Variants in XKR6 observed in about 807,000 individuals in gnomAD.
XKR6 encodes the protein XK-related protein 6.
A neutral mutation model predicts 56.7 loss-of-function variants in XKR6; 22 were observed. That is an observed-to-expected ratio of 0.39 (90% CI 0.28 to 0.55). The LOEUF (loss-of-function observed/expected upper bound fraction) is 0.55. Among genes scored for constraint, XKR6 ranks in the 20% least tolerant of loss-of-function variants. XKR6 has a pLI of 0.66. For synonymous variants in XKR6, 524 were observed against 387.8 expected (o/e 1.35, Z -4.13); for missense variants, 852 against 889.0 (o/e 0.96, Z 0.53).
chr8:11,071,481 C>CATGAGCCCCGAGTCT (rs1800114455), intron 1 of XKR6, among the ~76,000 whole-genome samples: 5 of 57,324 alleles, frequency 8.7e-5, no homozygotes, highest in Admixed American at 1.3e-4. Context: ...GCCCCGAGTC[C>CATGAGCCCCGAGTCT]ATGAGCCCCG....
chr8:10,934,771 C>G (rs1295177205), intron 1 of XKR6, among the ~76,000 whole-genome samples: 1 of 148,162 alleles, frequency 6.7e-6, no homozygotes, highest in Non-Finnish European at 1.5e-5. Flanking sequence ...GGTGGATAAG[C>G]TTTTTGATGT....
chr8:10,983,690 C>G (rs1041045440), intron 1 of XKR6, among the ~76,000 whole-genome samples: 1 of 151,364 alleles, frequency 6.6e-6, no homozygotes, highest in African/African-American at 2.4e-5. Flanking sequence ...GAGTCTCACT[C>G]TGTCACCCAG....
At chr8:11,091,410 C>A (rs1311860189) in intron 1 of XKR6, among the ~76,000 whole-genome samples, 2 of 147,884 alleles carry the variant, frequency 1.4e-5, no homozygotes, top group Admixed American at 6.7e-5. Flanking sequence ...GCACTCCAGT[C>A]TGGGCAACAG....
intron 1 of XKR6, among the ~76,000 whole-genome samples, chr8:11,154,321 A>C (rs1801403634): frequency 6.6e-6 from 1 of 152,236 alleles, no homozygotes; most frequent in Non-Finnish European, 1.5e-5. Flanking sequence ...ACCAAAAATC[A>C]GAAGAGATTC....
chr8:11,201,371 G>T lies in XKR6; in HGVS notation c.-32C>A, dbSNP rs774926907. 6 of 1,415,114 alleles carry T rather than the reference G, an allele frequency of 4.2e-6. No individual in the cohort carries two copies. Among genetic ancestry groups the T allele is most frequent in the Non-Finnish European group, 5.5e-6 (6 of 1,084,198 alleles). 87.7% of individuals were successfully genotyped at this position (1,415,114 alleles called of 1,614,324 possible). On this transcript the variant is annotated 5_prime_UTR_variant, in exon 1 of 3. Transcript: ENST00000416569. ...TCTCTTCCCAGCTCCGGAGGTTGGG[G>T]GGGAGGGACGGCGGGGGGGGGGGGA...
chr8:11,060,410 C>A (rs911018955), intron 1 of XKR6, among the ~76,000 whole-genome samples: 1 of 152,218 alleles, frequency 6.6e-6, no homozygotes, highest in Admixed American at 6.5e-5. Context: ...AGAGCCCCTG[C>A]CTCCTCCGCA....
intron 1 of XKR6, among the ~76,000 whole-genome samples, chr8:11,072,119 C>A (rs1315405208): frequency 6.6e-6 from 1 of 152,268 alleles, no homozygotes; most frequent in East Asian, 1.9e-4. Flanking sequence ...TGGCACCCAA[C>A]AGTCAACCCA....
chr8:10,979,864 C>T (rs2129136910), intron 1 of XKR6, among the ~76,000 whole-genome samples: 1 of 152,292 alleles, frequency 6.6e-6, no homozygotes, highest in East Asian at 1.9e-4. Flanking sequence ...TTTCCAAGGG[C>T]AGAGTGGTCT....
intron 2 of XKR6, among the ~76,000 whole-genome samples, chr8:10,906,481 A>C (rs1183226966): frequency 6.6e-6 from 1 of 152,268 alleles, no homozygotes; most frequent in East Asian, 1.9e-4. Context: ...AAGCAACAAA[A>C]AAAGCAATCT....
chr8:10,946,379 A>C (rs1801539045), intron 1 of XKR6, among the ~76,000 whole-genome samples: 1 of 152,056 alleles, frequency 6.6e-6, no homozygotes, highest in Non-Finnish European at 1.5e-5. Flanking sequence ...CGCAGAGCCC[A>C]CCCGGGGCAG....
intron 1 of XKR6, among the ~76,000 whole-genome samples, chr8:11,188,446 T>C (rs1242428623): frequency 6.6e-6 from 1 of 152,248 alleles, no homozygotes; most frequent in Admixed American, 6.5e-5. Flanking sequence ...TTGTTTCATC[T>C]GCAAACTGAG....
chr8:11,089,308 C>T (rs1346033617), intron 1 of XKR6, among the ~76,000 whole-genome samples: 2 of 152,168 alleles, frequency 1.3e-5, no homozygotes, highest in South Asian at 2.1e-4. Context: ...TTATCATACA[C>T]TCACGCCAGC....
intron 1 of XKR6, among the ~76,000 whole-genome samples, chr8:10,930,017 G>A (rs1465095828): frequency 6.6e-6 from 1 of 152,208 alleles, no homozygotes; most frequent in African/African-American, 2.4e-5. Context: ...TGGCTCGTCT[G>A]AGGCTCAGAA....
chr8:11,035,797 G>A (rs28439127), intron 1 of XKR6, among the ~76,000 whole-genome samples: 15,651 of 152,002 alleles, frequency 0.1, 906 homozygotes, highest in African/African-American at 0.16. Flanking sequence ...AGGAGAGGGA[G>A]GTAAGTGGTT....
intron 2 of XKR6, among the ~76,000 whole-genome samples, chr8:10,902,258 G>A (rs1172432606): frequency 4.6e-5 from 7 of 152,204 alleles, no homozygotes; most frequent in Admixed American, 1.3e-4. Flanking sequence ...GTCTGCTGGC[G>A]AGCTAATGGC....
chr8:10,983,513 T>C (rs1266969539), intron 1 of XKR6, among the ~76,000 whole-genome samples: 2 of 151,964 alleles, frequency 1.3e-5, no homozygotes, highest in Non-Finnish European at 2.9e-5. Context: ...CAGAAAAAAA[T>C]AGTCATCACA....
At chr8:10,921,158 T>G (rs920024059) in intron 2 of XKR6, among the ~76,000 whole-genome samples, 3 of 152,266 alleles carry the variant, frequency 2.0e-5, no homozygotes, top group Non-Finnish European at 2.9e-5. Context: ...CAACATCCAT[T>G]GCCCCTTGGG....
At chr8:11,155,894 G>C (rs1034447808) in intron 1 of XKR6, among the ~76,000 whole-genome samples, 3 of 152,172 alleles carry the variant, frequency 2.0e-5, no homozygotes, top group African/African-American at 7.2e-5. Flanking sequence ...AAGCAATTTA[G>C]TGCAAATTTA....
At chr8:11,159,091 G>A (rs1334768261) in intron 1 of XKR6, among the ~76,000 whole-genome samples, 1 of 152,160 alleles carries the variant, frequency 6.6e-6, no homozygotes, top group East Asian at 1.9e-4. Flanking sequence ...TTTCCTCCTT[G>A]AGACAGGTGG....
Sources: gnomAD v4.1 joint callset for allele counts (sites outside exome capture counted in the v4.1 genomes callset) on GRCh38, gnomAD v4.1.1 for gene constraint, MANE v1.5 for transcripts, NCBI Gene and HGNC (gene_info 2026-07-23, HGNC 2026-07-21) for gene names.